The following SLC1A1 variants were observed in gnomAD, a reference collection of about 807,000 sequenced individuals.
The protein encoded by SLC1A1 is excitatory amino acid transporter 3.
Under a neutral mutation model 53.3 loss-of-function variants are expected in SLC1A1, and 43 were observed. The ratio of observed to expected loss-of-function variants is 0.81; its 90% confidence interval spans 0.63 to 1.04. The LOEUF is 1.04. SLC1A1 is among the 50% of genes least tolerant of loss of function. SLC1A1 has a pLI of 0.00. For synonymous variants in SLC1A1, 307 were observed against 243.2 expected (o/e 1.26, Z -2.44); for missense variants, 748 against 664.9 (o/e 1.12, Z -1.37).
At chr9:4,570,253 G>C (rs764691354) in intron 6 of SLC1A1, among the ~76,000 whole-genome samples, 1 of 152,116 alleles carries the variant, frequency 6.6e-6, no homozygotes, top group Non-Finnish European at 1.5e-5. Context: ...AGTCAGTCTT[G>C]TCTCTCCAGC....
intron 2 of SLC1A1, among the ~76,000 whole-genome samples, chr9:4,552,876 C>A (rs78629646): frequency 1.3e-5 from 2 of 151,734 alleles, no homozygotes; most frequent in South Asian, 4.2e-4. Context: ...AGTACCTGAA[C>A]TGGCAGCAGA....
At chr9:4,512,186 T>G (rs1219200700) in intron 1 of SLC1A1, among the ~76,000 whole-genome samples, 1 of 152,180 alleles carries the variant, frequency 6.6e-6, no homozygotes, top group Non-Finnish European at 1.5e-5. Flanking sequence ...CCAGCAGGGA[T>G]TTTTGTAGAT....
rs752399496 is a variant in SLC1A1, at chr9:4,544,665, A to C, written c.190A>C (p.Lys64Gln). Residue 64 changes from lysine to glutamine, a missense_variant, in exon 2 of 12, where the codon AAA becomes CAA. By Grantham distance (53) the Lys-to-Gln change is moderately conservative (BLOSUM62 1). Coordinates refer to ENST00000262352, the MANE Select transcript of SLC1A1 (RefSeq NM_004170.6). The part of the protein sequence containing the change: ...FPGEILMRML[K>Q]LIILPLIISS... ...TGGAGAAATTCTAATGCGGATGCTG[A>C]AACTCATCATTTTGCCATTAATTAT... 29 of 1,613,628 alleles carry C rather than the reference A, an allele frequency of 1.8e-5. No homozygotes were observed. Among genetic ancestry groups the C allele is most frequent in the Non-Finnish European group, 2.4e-5 (28 of 1,179,666 alleles).
At chr9:4,557,964 T>C (rs1395207531) in intron 2 of SLC1A1, among the ~76,000 whole-genome samples, 1 of 152,184 alleles carries the variant, frequency 6.6e-6, no homozygotes, top group Admixed American at 6.6e-5. Context: ...AAAATGGGGG[T>C]AATAATGCCC....
chr9:4,573,203 G>A (rs1820222450), intron 7 of SLC1A1, among the ~76,000 whole-genome samples: 1 of 152,132 alleles, frequency 6.6e-6, no homozygotes, highest in South Asian at 2.1e-4. Flanking sequence ...ACCTTTCTTA[G>A]GATGCATCTG....
At chr9:4,491,602 G>T (rs1265986256) in intron 1 of SLC1A1, among the ~76,000 whole-genome samples, 1 of 152,232 alleles carries the variant, frequency 6.6e-6, no homozygotes, top group African/African-American at 2.4e-5. Flanking sequence ...TCAGAGGTAT[G>T]AGTTATTCCT....
intron 10 of SLC1A1, 64 bp downstream of exon 10, chr9:4,576,827 C>T: frequency 2.1e-6 from 3 of 1,432,478 alleles, no homozygotes; most frequent in Middle Eastern, 2.3e-4. Flanking sequence ...TAAAAATTGT[C>T]CATGAAGGGA....
At position 4,533,422 on chromosome 9, in the gene SLC1A1, G is replaced by A. The variant is rs202030950; in HGVS notation, c.92-11145G>A. 6.5e-3 allele frequency among the ~76,000 whole-genome samples: 963 copies of A among 148,650 alleles called. 13 individuals carry two copies. Among genetic ancestry groups the A allele is most frequent in the African/African-American group, 0.022 (901 of 40,384 alleles). The stretch of plus-strand genomic sequence containing the variant: ...AGGCAGGGGTTGCAATCCTAGTCTC[G>A]GATAAAACAGACTTTAAACCAACAA... On this transcript the variant is annotated intron_variant, in intron 1 of 11. Transcript: ENST00000262352.
chr9:4,500,721 T>A (rs1433542182), intron 1 of SLC1A1, among the ~76,000 whole-genome samples: 1 of 152,194 alleles, frequency 6.6e-6, no homozygotes, highest in Non-Finnish European at 1.5e-5. Flanking sequence ...AACACCTCTG[T>A]TAATAGAAAG....
intron 1 of SLC1A1, among the ~76,000 whole-genome samples, chr9:4,533,590 C>T (rs1416958822): frequency 1.3e-5 from 2 of 152,094 alleles, no homozygotes; most frequent in African/African-American, 4.8e-5. Flanking sequence ...TAGAAAGAGA[C>T]TTAGACTCCT....
chr9:4,548,009 T>A (rs1210234428), intron 2 of SLC1A1, among the ~76,000 whole-genome samples: 2 of 152,206 alleles, frequency 1.3e-5, no homozygotes, highest in African/African-American at 4.8e-5. Context: ...ACCAAAAGGT[T>A]AACATCCAGA....
At chr9:4,550,960 TA>T (rs1332509063) in intron 2 of SLC1A1, among the ~76,000 whole-genome samples, 1 of 152,154 alleles carries the variant, frequency 6.6e-6, no homozygotes, top group African/African-American at 2.4e-5. Context: ...AACATTCATT[TA>T]CAAAAACAGG....
At chr9:4,507,597 G>C (rs1187302436) in intron 1 of SLC1A1, among the ~76,000 whole-genome samples, 1 of 152,194 alleles carries the variant, frequency 6.6e-6, no homozygotes, top group East Asian at 1.9e-4. Context: ...ACAGTTAGCA[G>C]TCAGGCAGCA....
chr9:4,505,580 T>C (rs1403508937), intron 1 of SLC1A1, among the ~76,000 whole-genome samples: 1 of 152,260 alleles, frequency 6.6e-6, no homozygotes, highest in African/African-American at 2.4e-5. Flanking sequence ...CCATTGGCTC[T>C]ACGTGCAAAA....
chr9:4,554,809 C>T (rs974081869), intron 2 of SLC1A1, among the ~76,000 whole-genome samples: 2 of 152,058 alleles, frequency 1.3e-5, no homozygotes, highest in African/African-American at 2.4e-5. Context: ...CTTTAGTGAC[C>T]GTGTAATGAA....
intron 9 of SLC1A1, 67 bp from the exon 10 acceptor site, chr9:4,576,502 T>A (rs1820557979): frequency 7.6e-7 from 1 of 1,314,404 alleles, no homozygotes; most frequent in South Asian, 1.2e-5. Context: ...AAGACAGGCA[T>A]GTCTTCAGGC....
intron 1 of SLC1A1, among the ~76,000 whole-genome samples, chr9:4,531,243 C>T (rs139537852): frequency 0.034 from 5,122 of 152,224 alleles, 143 homozygotes; most frequent in South Asian, 0.054. Flanking sequence ...GTGCGTGAGC[C>T]GAAGCAGGGC....
intron 1 of SLC1A1, among the ~76,000 whole-genome samples, chr9:4,529,666 T>C (rs1816392707): frequency 6.6e-6 from 1 of 152,144 alleles, no homozygotes; most frequent in Admixed American, 6.5e-5. Context: ...TAAAAGCCTC[T>C]GCCATCAGTC....
intron 2 of SLC1A1, among the ~76,000 whole-genome samples, chr9:4,546,965 G>A (rs577135925): frequency 3.9e-5 from 6 of 152,350 alleles, no homozygotes; most frequent in South Asian, 2.1e-4. Context: ...GTGTCTATGA[G>A]GGGAAGTATA....
Sources: gnomAD v4.1 joint callset for allele counts (sites outside exome capture counted in the v4.1 genomes callset) on GRCh38, gnomAD v4.1.1 for gene constraint, MANE v1.5 for transcripts, NCBI Gene and HGNC (gene_info 2026-07-23, HGNC 2026-07-21) for gene names.